The following DPP10 variants were observed in gnomAD, a reference collection of about 807,000 sequenced individuals.
DPP10 encodes dipeptidyl peptidase like 10.
DPP10 carries 33 observed loss-of-function variants against 120.9 expected under a neutral mutation model. The ratio of observed to expected loss-of-function variants is 0.27; its 90% CI spans 0.21 to 0.37. DPP10 has a LOEUF of 0.37. Ranked by LOEUF, DPP10 falls within the 10% of genes least tolerant of loss-of-function variation. DPP10 has a pLI of 1.00. For synonymous variants in DPP10, 337 were observed against 326.1 expected, an observed-to-expected ratio of 1.03 and a Z score of -0.36; for missense variants, 816 against 942.8, an observed-to-expected ratio of 0.87 and a Z score of 1.76.
chr2:114,620,161 G>T (rs951271315), intron 1 of DPP10, among the ~76,000 whole-genome samples: 39 of 151,730 alleles, frequency 2.6e-4, no homozygotes, highest in African/African-American at 9.0e-4. Context: ...CTCTTCCTCA[G>T]TGCCCAGCTA....
chr2:115,509,782 T>C (rs1038200073), intron 4 of DPP10, among the ~76,000 whole-genome samples: 6 of 152,166 alleles, frequency 3.9e-5, no homozygotes, highest in African/African-American at 1.2e-4. Flanking sequence ...TATTAGCAGT[T>C]TGAGGAACTT....
intron 1 of DPP10, among the ~76,000 whole-genome samples, chr2:114,961,496 G>A (rs1014816293): frequency 6.6e-6 from 1 of 151,950 alleles, no homozygotes; most frequent in African/African-American, 2.4e-5. Flanking sequence ...AGAGAAACCT[G>A]AGAAATAATT....
At chr2:115,378,527 A>T (rs2066001137) in intron 3 of DPP10, among the ~76,000 whole-genome samples, 1 of 151,520 alleles carries the variant, frequency 6.6e-6, no homozygotes, top group Admixed American at 6.6e-5. Flanking sequence ...CTCTTTTCCT[A>T]ATTGAATACC....
chr2:115,277,932 T>C (rs1245339637), intron 1 of DPP10, among the ~76,000 whole-genome samples: 1 of 152,324 alleles, frequency 6.6e-6, no homozygotes, highest in Non-Finnish European at 1.5e-5. Flanking sequence ...TGCAAGATGA[T>C]GTTGACTTTG....
chr2:114,531,729 G>A (rs1373074433), intron 1 of DPP10, among the ~76,000 whole-genome samples: 1 of 151,696 alleles, frequency 6.6e-6, no homozygotes, highest in Admixed American at 6.6e-5. Context: ...AGATCAGTTG[G>A]GTATGAAAGC....
intron 1 of DPP10, among the ~76,000 whole-genome samples, chr2:114,561,525 T>C (rs1688764337): frequency 6.6e-6 from 1 of 152,194 alleles, no homozygotes; most frequent in African/African-American, 2.4e-5. Context: ...TGTAGATATG[T>C]CATTCCTTTA....
chr2:115,694,209 T>G (rs910022374), intron 7 of DPP10, among the ~76,000 whole-genome samples: 1 of 152,316 alleles, frequency 6.6e-6, no homozygotes, highest in Non-Finnish European at 1.5e-5. Context: ...TTTGTCAATA[T>G]TTGAAGCTAT....
intron 1 of DPP10, among the ~76,000 whole-genome samples, chr2:114,475,858 G>A (rs544046126): frequency 8.5e-5 from 13 of 152,156 alleles, no homozygotes; most frequent in African/African-American, 1.2e-4. Flanking sequence ...TTCCTGTGAG[G>A]GTAACTTGAT....
intron 1 of DPP10, among the ~76,000 whole-genome samples, chr2:114,528,702 C>T (rs1274083958): frequency 1.3e-5 from 2 of 151,240 alleles, no homozygotes; most frequent in African/African-American, 4.9e-5. Context: ...AGCATGTTCT[C>T]ATCTGAACTC....
At chr2:115,678,478 A>T (rs568085617) in intron 5 of DPP10, among the ~76,000 whole-genome samples, 1 of 152,186 alleles carries the variant, frequency 6.6e-6, no homozygotes, top group Non-Finnish European at 1.5e-5. Flanking sequence ...TGTTCATAAG[A>T]TAAGAATTGA....
intron 7 of DPP10, among the ~76,000 whole-genome samples, chr2:115,695,924 C>G (rs1029950599): frequency 6.6e-6 from 1 of 151,778 alleles, no homozygotes; most frequent in Non-Finnish European, 1.5e-5. Flanking sequence ...CTAAAAGACA[C>G]CAAATAAAAA....
intron 1 of DPP10, among the ~76,000 whole-genome samples, chr2:114,912,221 A>T (rs2106635383): frequency 6.6e-6 from 1 of 152,284 alleles, no homozygotes; most frequent in East Asian, 1.9e-4. Flanking sequence ...TTGTTTATTT[A>T]AGGAGTAAAC....
chr2:115,340,540 T>C (rs1337800638), intron 2 of DPP10, among the ~76,000 whole-genome samples: 5 of 151,956 alleles, frequency 3.3e-5, no homozygotes, highest in African/African-American at 1.2e-4. Flanking sequence ...AGTTGTAATA[T>C]GATTTTAAAG....
intron 3 of DPP10, among the ~76,000 whole-genome samples, chr2:115,422,697 GA>G (rs1372710182): frequency 2.0e-5 from 3 of 151,964 alleles, no homozygotes; most frequent in African/African-American, 7.2e-5. Context: ...AGAACAAAGA[GA>G]AAAAAATAAT....
chr2:115,385,846 C>T (rs550083513), intron 3 of DPP10, among the ~76,000 whole-genome samples: 41 of 152,226 alleles, frequency 2.7e-4, no homozygotes, highest in African/African-American at 9.4e-4. Flanking sequence ...TGATTCTTAT[C>T]ATGGGTGAGG....
At chr2:114,905,735 A>C (rs1693911318) in intron 1 of DPP10, among the ~76,000 whole-genome samples, 1 of 152,138 alleles carries the variant, frequency 6.6e-6, no homozygotes, top group Admixed American at 6.5e-5. Context: ...TTTTGTAGAA[A>C]CAGGGTCTCA....
intron 1 of DPP10, among the ~76,000 whole-genome samples, chr2:114,644,125 G>A (rs1405032193): frequency 6.9e-6 from 1 of 144,690 alleles, no homozygotes; most frequent in Non-Finnish European, 1.5e-5. Context: ...TGTATTTTTA[G>A]TAGAGATGGG....
At chr2:115,439,563 A>G (rs1442181418) in intron 3 of DPP10, among the ~76,000 whole-genome samples, 1 of 152,196 alleles carries the variant, frequency 6.6e-6, no homozygotes, top group Non-Finnish European at 1.5e-5. Flanking sequence ...AGAATTTCAG[A>G]AATTTTTGCT....
chr2:114,959,505 T>G (rs981082985), intron 1 of DPP10, among the ~76,000 whole-genome samples: 4 of 152,232 alleles, frequency 2.6e-5, no homozygotes, highest in African/African-American at 7.2e-5. Flanking sequence ...TTCTTCTTTT[T>G]GCCTATTATG....
Sources: gnomAD v4.1 joint callset for allele counts (sites outside exome capture counted in the v4.1 genomes callset) on GRCh38, gnomAD v4.1.1 for gene constraint, MANE v1.5 for transcripts, NCBI Gene and HGNC (gene_info 2026-07-23, HGNC 2026-07-21) for gene names.